The following MACF1 variants were observed in gnomAD, a reference collection of about 807,000 sequenced individuals.
The protein encoded by MACF1 is microtubule actin crosslinking factor 1.
MACF1 carries 193 observed loss-of-function variants against 854.8 expected under a neutral mutation model. The observed-to-expected ratio is 0.23, with a 90% confidence interval of 0.20 to 0.25. The LOEUF (loss-of-function observed/expected upper bound fraction) is 0.25. Ranked by LOEUF, MACF1 falls within the 10% of genes least tolerant of loss-of-function variation. MACF1 has a pLI of 1.00. For synonymous variants in MACF1, 3,185 were observed against 3,226.7 expected (o/e 0.99, Z 0.44); for missense variants, 7,722 against 8,929.1 (o/e 0.86, Z 5.45).
chr1:39,145,046 G>A lies in MACF1; in HGVS notation c.220+60608G>A, dbSNP rs540411180. ...CTCAGATCTCTTTTTTTTCTTCCACGCCTTTTCTATCCCCAGTGCTGGACC... is the reference window on the plus strand; with the variant it reads ...CTCAGATCTCTTTTTTTTCTTCCACACCTTTTCTATCCCCAGTGCTGGACC... On this transcript the variant is annotated intron_variant, in intron 2 of 93. Transcript: ENST00000361689. 5.9e-5 allele frequency among the ~76,000 whole-genome samples: 9 copies of A among 151,584 alleles called. No individual in the cohort carries two copies. The South Asian group carries it at 1.0e-3, about 18-fold the overall frequency.
At chr1:39,166,015 C>T (rs957167672) in intron 2 of MACF1, among the ~76,000 whole-genome samples, 12 of 151,562 alleles carry the variant, frequency 7.9e-5, no homozygotes, top group Non-Finnish European at 1.0e-4. Flanking sequence ...TAGTCCCTGT[C>T]TTTGAGGGAT....
At chr1:39,106,193 G>C (rs1642231591) in intron 2 of MACF1, among the ~76,000 whole-genome samples, 1 of 152,114 alleles carries the variant, frequency 6.6e-6, no homozygotes, top group Non-Finnish European at 1.5e-5. Flanking sequence ...AGCCGAGGTT[G>C]GAAAGCACCT....
At chr1:39,440,534 T>C (rs1014316075) in intron 72 of MACF1, among the ~76,000 whole-genome samples, 1 of 152,236 alleles carries the variant, frequency 6.6e-6, no homozygotes, top group African/African-American at 2.4e-5. Flanking sequence ...AGAGAAATTC[T>C]TTCCCTCCCC....
At chr1:39,245,180 ATTAAC>A (rs1644969105) in intron 2 of MACF1, among the ~76,000 whole-genome samples, 1 of 152,232 alleles carries the variant, frequency 6.6e-6, no homozygotes, top group Non-Finnish European at 1.5e-5. Context: ...TTGGTGTGAA[ATTAAC>A]TTTACATTTC....
intron 2 of MACF1, among the ~76,000 whole-genome samples, chr1:39,106,123 CG>C (rs1642229522): frequency 6.6e-6 from 1 of 151,880 alleles, no homozygotes; most frequent in Non-Finnish European, 1.5e-5. Flanking sequence ...TCTGTGTGCC[CG>C]CGGAGAGTCC....
intron 2 of MACF1, among the ~76,000 whole-genome samples, chr1:39,233,244 G>A (rs1328144041): frequency 6.6e-6 from 1 of 152,132 alleles, no homozygotes; most frequent in Non-Finnish European, 1.5e-5. Flanking sequence ...ACGTTAGTCA[G>A]GCTGGTCTCG....
Position 39,335,747 on chromosome 1 carries a change from T to C in MACF1, c.9159T>C (p.Ile3053=). ...CTTCCCAAGTGGTACCTCAAGGAATTTCTGTAAAACATTTAGATGCTTTAA... is the reference window on the plus strand; with the variant it reads ...CTTCCCAAGTGGTACCTCAAGGAATCTCTGTAAAACATTTAGATGCTTTAA... The part of the protein sequence containing the change: ...ESSSQVVPQG[I]SVKHLDALTL... The change falls in exon 37 of 101, where the codon ATT becomes ATC. Residue 3053 remains isoleucine, a synonymous_variant. Transcript: ENST00000564288. 6.2e-7 allele frequency: 1 copy of C among 1,613,972 alleles called. No homozygotes were observed. The highest frequency in any genetic ancestry group is 8.5e-7 in the Non-Finnish European group (1 of 1,179,980).
chr1:39,408,384 G>C (rs2148606156), intron 58 of MACF1, among the ~76,000 whole-genome samples: 1 of 152,344 alleles, frequency 6.6e-6, no homozygotes, highest in African/African-American at 2.4e-5. Context: ...GAAAGTGCCG[G>C]GTTTAAGGCT....
At chr1:39,226,450 C>T (rs1225361827) in intron 1 of MACF1, among the ~76,000 whole-genome samples, 1 of 151,936 alleles carries the variant, frequency 6.6e-6, no homozygotes, top group Non-Finnish European at 1.5e-5. Flanking sequence ...AAGCAGTTCT[C>T]CTGCGTCAGC....
intron 71 of MACF1, among the ~76,000 whole-genome samples, chr1:39,438,412 G>A (rs1374487064): frequency 6.6e-6 from 1 of 152,230 alleles, no homozygotes; most frequent in African/African-American, 2.4e-5. Context: ...CTTTATAGTA[G>A]ATGATAGCTC....
chr1:39,297,100 AT>A (rs548995392), intron 20 of MACF1, among the ~76,000 whole-genome samples: 2 of 151,524 alleles, frequency 1.3e-5, no homozygotes, highest in Non-Finnish European at 2.9e-5. Context: ...ATTTTTTTGT[AT>A]TTTTTTAGTA....
At chr1:39,233,007 TTTGTTG>T (rs541207629) in intron 2 of MACF1, among the ~76,000 whole-genome samples, 1 of 139,386 alleles carries the variant, frequency 7.2e-6, no homozygotes, top group African/African-American at 2.6e-5. Flanking sequence ...CTTTCTTGTT[TTTGTTG>T]TTGTTGTTGT....
At chr1:39,411,606 A>G (rs756114104) in intron 58 of MACF1, 3 of 1,613,934 alleles carry the variant, frequency 1.9e-6, no homozygotes, top group Middle Eastern at 1.6e-4. Context: ...CAGATTCAGC[A>G]TGTACTGTGG....
intron 94 of MACF1, chr1:39,464,743 C>T (rs1644626585): frequency 8.5e-6 from 2 of 234,712 alleles, no homozygotes; most frequent in East Asian, 1.2e-4. Context: ...GTGAAACACC[C>T]TCTCTACTAA....
chr1:39,308,573 A>G (rs1346760297), intron 23 of MACF1, among the ~76,000 whole-genome samples: 1 of 152,038 alleles, frequency 6.6e-6, no homozygotes, highest in Non-Finnish European at 1.5e-5. Flanking sequence ...GTATTTGTGT[A>G]TTTGTAAGTC....
intron 15 of MACF1, among the ~76,000 whole-genome samples, chr1:39,289,730 CAG>C (rs1443128790): frequency 1.1e-4 from 2 of 17,588 alleles, no homozygotes; most frequent in African/African-American, 2.5e-4. Flanking sequence ...TTTTTTGAGA[CAG>C]AGTCTTGTTC....
At chr1:39,319,975 G>C (rs1207025787) in intron 31 of MACF1, among the ~76,000 whole-genome samples, 1 of 152,140 alleles carries the variant, frequency 6.6e-6, no homozygotes, top group African/African-American at 2.4e-5. Flanking sequence ...TTGCGTGACC[G>C]TAGGCCCTTT....
intron 52 of MACF1, among the ~76,000 whole-genome samples, chr1:39,374,750 TA>T (rs201610275): frequency 6.6e-6 from 1 of 151,492 alleles, no homozygotes; most frequent in African/African-American, 2.4e-5. Flanking sequence ...ATCATTTTTT[TA>T]AAAAAAAACC....
chr1:39,422,926 A>T (rs1643592553), intron 60 of MACF1, 26 bp downstream of exon 60: 1 of 1,607,966 alleles, frequency 6.2e-7, no homozygotes, highest in South Asian at 1.1e-5. Context: ...GGGACAGTGA[A>T]CTGTAACAGC....
Sources: gnomAD v4.1 joint callset for allele counts (sites outside exome capture counted in the v4.1 genomes callset) on GRCh38, gnomAD v4.1.1 for gene constraint, MANE v1.5 for transcripts, NCBI Gene and HGNC (gene_info 2026-07-23, HGNC 2026-07-21) for gene names.